ZNF512: variants seen among roughly 807,000 people sequenced by gnomAD.
ZNF512 encodes zinc finger protein 512.
ZNF512 carries 25 observed loss-of-function variants against 77.5 expected under a neutral mutation model. The ratio of observed to expected loss-of-function variants is 0.32; its 90% CI spans 0.23 to 0.45. The LOEUF is 0.45. Ranked by LOEUF, ZNF512 falls within the 20% of genes least tolerant of loss-of-function variation. ZNF512 has a pLI of 1.00. For synonymous variants in ZNF512, 246 were observed against 239.9 expected (o/e 1.03, Z -0.24); for missense variants, 483 against 692.6 (o/e 0.70, Z 3.40).
In ZNF512 at chr2:27,621,416, G is replaced by A; in HGVS notation, c.1659G>A (p.Gln553=). ...AGGAGCCAGTGCCAGCACAGTTCCAGAAAGTAAAGCCCCCAAAGACTAATC... is the reference window on the plus strand; with the variant it reads ...AGGAGCCAGTGCCAGCACAGTTCCAAAAAGTAAAGCCCCCAAAGACTAATC... ...PEQEPVPAQF[Q]KVKPPKTNHK... is the part of the protein sequence containing the mutation. Residue 553 remains glutamine, a synonymous_variant, in exon 14 of 14, where the codon CAG becomes CAA. Coordinates refer to ENST00000355467, the MANE Select transcript of ZNF512 (RefSeq NM_032434.4). 1 of 1,613,610 alleles carries A rather than the reference G, an allele frequency of 6.2e-7. No homozygotes were observed. The highest frequency in any genetic ancestry group is 2.2e-5 in the East Asian group (1 of 44,874).
At chr2:27,603,592 T>A (rs13398532) in intron 9 of ZNF512, among the ~76,000 whole-genome samples, 3,358 of 35,570 alleles carry the variant, frequency 0.094, 148 homozygotes, top group African/African-American at 0.29. Flanking sequence ...GTGTGTATAT[T>A]TTTTTTTTTT....
intron 10 of ZNF512, among the ~76,000 whole-genome samples, chr2:27,610,582 T>TACA (rs1558474959): frequency 0.036 from 1,913 of 52,748 alleles, 198 homozygotes; most frequent in African/African-American, 0.11. Context: ...TTTTTTTTTT[T>TACA]TTTTTTTTTT....
At chr2:27,595,127 A>AGGGAGAGGGAGGAGAGCG (rs1211703338) in intron 2 of ZNF512, among the ~76,000 whole-genome samples, 5 of 152,100 alleles carry the variant, frequency 3.3e-5, no homozygotes, top group Non-Finnish European at 2.9e-5. Context: ...AGACCGAAGA[A>AGGGAGAGGGAGGAGAGCG]GGGAGAGGGA....
intron 13 of ZNF512, among the ~76,000 whole-genome samples, chr2:27,620,728 T>C (rs1673084801): frequency 6.6e-6 from 1 of 152,168 alleles, no homozygotes; most frequent in Admixed American, 6.5e-5. Flanking sequence ...TGTTAAGTAA[T>C]TCGCCCATGG....
At chr2:27,604,509 C>G (rs1238754040) in intron 9 of ZNF512, among the ~76,000 whole-genome samples, 1 of 152,062 alleles carries the variant, frequency 6.6e-6, no homozygotes, top group African/African-American at 2.4e-5. Context: ...GGCGGGGTGC[C>G]TTAGCTCACA....
chr2:27,605,688 C>G (rs962686383), intron 9 of ZNF512, among the ~76,000 whole-genome samples: 7 of 152,018 alleles, frequency 4.6e-5, no homozygotes, highest in Non-Finnish European at 1.0e-4. Context: ...GTTGGCCAGG[C>G]TGATCTTGAA....
chr2:27,583,208 C>T (rs1475952344), intron 1 of ZNF512, 66 bp downstream of exon 1: 1 of 1,609,794 alleles, frequency 6.2e-7, no homozygotes, highest in African/African-American at 1.3e-5. Context: ...CACGCGGTCC[C>T]TCGCTTTTGT....
chr2:27,606,445 C>T (rs1375529944), intron 9 of ZNF512, among the ~76,000 whole-genome samples: 15 of 152,002 alleles, frequency 9.9e-5, no homozygotes, highest in Admixed American at 8.5e-4. Context: ...TCACTGCAAC[C>T]TCCGCCTCCT....
Position 27,594,267 on chromosome 2 carries a change from G to A in ZNF512, c.90-3800G>A, listed in dbSNP as rs575637278. Reference sequence around the variant, plus strand: ...TCACATCCCAGACGGGGTGGTGGCCGGGCAGAGGCACTCCTCAGTTCGCAG... The same window carrying A: ...TCACATCCCAGACGGGGTGGTGGCCAGGCAGAGGCACTCCTCAGTTCGCAG... On this transcript the variant is annotated intron_variant, in intron 2 of 13. Transcript: ENST00000355467. 1.1e-4 allele frequency among the ~76,000 whole-genome samples: 16 copies of A among 146,822 alleles called. No homozygotes were observed. The South Asian group carries it at 1.1e-3, about 10-fold the overall frequency.
At chr2:27,597,552 C>T (rs1187548678) in intron 2 of ZNF512, among the ~76,000 whole-genome samples, 2 of 152,342 alleles carry the variant, frequency 1.3e-5, no homozygotes, top group East Asian at 3.9e-4. Context: ...CATCCTTTAG[C>T]TGTGGAAGCT....
chr2:27,609,828 C>T (rs1224064814), intron 10 of ZNF512, among the ~76,000 whole-genome samples: 1 of 151,326 alleles, frequency 6.6e-6, no homozygotes, highest in Non-Finnish European at 1.5e-5. Context: ...AAGATCGTGC[C>T]ATTGCACTCC....
intron 2 of ZNF512, among the ~76,000 whole-genome samples, chr2:27,596,340 G>A (rs1671869195): frequency 6.6e-6 from 1 of 152,156 alleles, no homozygotes; most frequent in Non-Finnish European, 1.5e-5. Context: ...CACATTCATG[G>A]CTAAGGTTAA....
intron 10 of ZNF512, among the ~76,000 whole-genome samples, chr2:27,610,544 GTATATATATATATA>G (rs1247718248): frequency 3.1e-5 from 1 of 32,654 alleles, no homozygotes; most frequent in African/African-American, 1.5e-4. Flanking sequence ...ATATGTGTGT[GTATATATATATATA>G]TATATATATA....
intron 9 of ZNF512, among the ~76,000 whole-genome samples, chr2:27,605,416 T>C (rs1672306998): frequency 6.6e-6 from 1 of 151,762 alleles, no homozygotes; most frequent in Non-Finnish European, 1.5e-5. Flanking sequence ...ATGGTGCCAC[T>C]GCACTCCAGC....
chr2:27,608,164 G>A (rs1572926595), intron 10 of ZNF512, 125 bp downstream of exon 10: 1 of 887,604 alleles, frequency 1.1e-6, no homozygotes. Context: ...TATCTTTGGA[G>A]ATAGAGTACA....
At chr2:27,589,583 C>G (rs967308214) in intron 2 of ZNF512, among the ~76,000 whole-genome samples, 1 of 152,100 alleles carries the variant, frequency 6.6e-6, no homozygotes, top group Non-Finnish European at 1.5e-5. Context: ...TGGGTTTCTC[C>G]TCTTACCTTA....
chr2:27,614,295 A>G (rs1192114037), intron 10 of ZNF512, among the ~76,000 whole-genome samples: 1 of 152,190 alleles, frequency 6.6e-6, no homozygotes, highest in African/African-American at 2.4e-5. Context: ...TGGAAACTCT[A>G]GTTGTAGTTG....
rs138839536 is a variant in ZNF512 at position 27,621,426 on chromosome 2, C to T, written c.1669C>T (p.Pro557Ser). ...GCCAGCACAGTTCCAGAAAGTAAAG[C>T]CCCCAAAGACTAATCATAAACGAGG... ...PVPAQFQKVK[P>S]PKTNHKRGRK The change falls in exon 14 of 14, where the codon CCC becomes TCC. Residue 557 changes from proline to serine, a missense_variant. By Grantham distance (74) the Pro-to-Ser change is moderately conservative. Around this residue, in one of 2 missense-constraint regions of ZNF512, gnomAD observed 324 missense variants for 525.0 expected, o/e 0.62. Coordinates refer to ENST00000355467, the MANE Select transcript of ZNF512 (RefSeq NM_032434.4). 3.9e-4 allele frequency: 630 copies of T among 1,612,824 alleles called. No homozygotes were observed. The highest frequency in any genetic ancestry group is 4.9e-4 in the Non-Finnish European group (573 of 1,179,912).
At position 27,621,241 on chromosome 2, in the gene ZNF512, G is replaced by C; in HGVS notation, c.1484G>C (p.Arg495Thr). Residue 495 changes from arginine (R) to threonine (T), a missense_variant, in exon 14 of 14, where the codon AGG (arginine) becomes ACG (threonine). This residue lies in a region of ZNF512 where 324 missense variants were observed against 525.0 expected (regional missense o/e 0.62). Coordinates refer to ENST00000355467, the MANE Select transcript of ZNF512 (RefSeq NM_032434.4). ...CGGCAGCAAGAAGAAGAAAAGCGGA[G>C]GCAGCAGCACAGGAGCAGAAGGTCT... Reference protein sequence around the residue: ...KQRQQEEEKRRQQHRSRRSLR... With the variant: ...KQRQQEEEKRTQQHRSRRSLR... The C allele has an allele frequency of 6.2e-7, 1 of 1,614,224 alleles. No individual in the cohort carries two copies. The highest frequency in any genetic ancestry group is 8.5e-7 in the Non-Finnish European group (1 of 1,180,044).
Sources: gnomAD v4.1 joint callset for allele counts (sites outside exome capture counted in the v4.1 genomes callset) on GRCh38, gnomAD v4.1.1 for gene constraint, gnomAD v4.1.1 regional missense constraint, MANE v1.5 for transcripts, NCBI Gene and HGNC (gene_info 2026-07-23, HGNC 2026-07-21) for gene names.